Variants in MEIG1 observed in about 807,000 individuals in gnomAD.
MEIG1 encodes meiosis/spermiogenesis associated 1.
A neutral mutation model predicts 11.3 loss-of-function variants in MEIG1; 12 were observed. The ratio of observed to expected loss-of-function variants is 1.07; its 90% CI spans 0.68 to 1.73. The LOEUF (loss-of-function observed/expected upper bound fraction) is 1.73, where lower values mean the gene tolerates loss of function less well. MEIG1 is among the 40% of genes most tolerant of loss of function. MEIG1 has a pLI of 0.00. For missense variants in MEIG1, 119 were observed against 104.9 expected, an observed-to-expected ratio of 1.13 and a Z score of -0.59; for synonymous variants, 41 against 33.2, an observed-to-expected ratio of 1.24 and a Z score of -0.81.
At chr10:14,977,991 C>A (rs897422790) in intron 1 of MEIG1, among the ~76,000 whole-genome samples, 39 of 151,922 alleles carry the variant, frequency 2.6e-4, no homozygotes, top group African/African-American at 9.0e-4. Flanking sequence ...CTTAATGTCA[C>A]AGGGATTGTA....
At chr10:14,960,480 G>A (rs1382914747) in intron 1 of MEIG1, among the ~76,000 whole-genome samples, 13 of 151,940 alleles carry the variant, frequency 8.6e-5, no homozygotes, top group Non-Finnish European at 1.5e-5. Context: ...GTGCAGTGGC[G>A]GGATCTCGGC....
At chr10:14,984,184 G>T (rs1393345988) in intron 1 of MEIG1, among the ~76,000 whole-genome samples, 2 of 151,656 alleles carry the variant, frequency 1.3e-5, no homozygotes, top group African/African-American at 4.9e-5. Context: ...GGAGAGGGGG[G>T]TGCTATTACT....
At chr10:14,954,354 G>A in the MEIG1 span, 1 of 408,760 alleles carries the variant, frequency 2.4e-6, no homozygotes, top group South Asian at 2.3e-5. Context: ...AAGGGAAATC[G>A]AAACTCCCAG....
intron 1 of MEIG1, among the ~76,000 whole-genome samples, chr10:14,964,693 G>A (rs1426621344): frequency 1.4e-5 from 2 of 142,282 alleles, no homozygotes; most frequent in African/African-American, 5.2e-5. Flanking sequence ...CCAGGCTGGA[G>A]TGCAACCTCC....
At chr10:14,954,443 G>T (rs1842880996), upstream of MEIG1, 1 of 301,096 alleles carries the variant, frequency 3.3e-6, no homozygotes, top group East Asian at 8.1e-5. Flanking sequence ...CTTCCTGCTT[G>T]TCTGCTGCTA....
At chr10:14,959,281 C>G (rs1467228390), upstream of MEIG1, among the ~76,000 whole-genome samples, 1 of 152,256 alleles carries the variant, frequency 6.6e-6, no homozygotes, top group East Asian at 1.9e-4. Context: ...GGCCGGCGCC[C>G]ACCCCAGCCC....
At chr10:14,958,841 A>G (rs1415503273), upstream of MEIG1, among the ~76,000 whole-genome samples, 2 of 152,074 alleles carry the variant, frequency 1.3e-5, no homozygotes, top group Admixed American at 1.3e-4. Flanking sequence ...GCTTGCAGTG[A>G]GCCGAGATAG....
downstream of MEIG1, among the ~76,000 whole-genome samples, chr10:14,976,317 A>T (rs1015518099): frequency 1.3e-5 from 2 of 152,168 alleles, no homozygotes; most frequent in African/African-American, 4.8e-5. Context: ...ATTAATCCTG[A>T]TGTCACAGGA....
intron 1 of MEIG1, among the ~76,000 whole-genome samples, chr10:14,980,324 T>A (rs1843251051): frequency 1.3e-5 from 2 of 152,166 alleles, no homozygotes; most frequent in Admixed American, 1.3e-4. Flanking sequence ...CTTCGCATTC[T>A]AGAAAGATGT....
chr10:14,976,647 C>A (rs189527388), downstream of MEIG1, among the ~76,000 whole-genome samples: 318 of 152,144 alleles, frequency 2.1e-3, no homozygotes, highest in African/African-American at 7.2e-3. Flanking sequence ...AGAGGGTGTA[C>A]ACCTTGTGAA....
chr10:14,969,011 GA>G (rs766223234), intron 2 of MEIG1, among the ~76,000 whole-genome samples: 1 of 152,144 alleles, frequency 6.6e-6, no homozygotes, highest in African/African-American at 2.4e-5. Context: ...CCAGGAGGTG[GA>G]GGTTGTAGTG....
At chr10:14,975,510 T>C (rs1843200378), downstream of MEIG1, among the ~76,000 whole-genome samples, 2 of 152,078 alleles carry the variant, frequency 1.3e-5, no homozygotes, top group South Asian at 4.1e-4. Context: ...CCGTGTACTA[T>C]TGTTGCTATT....
chr10:14,957,120 T>C (rs1842960165), upstream of MEIG1, among the ~76,000 whole-genome samples: 1 of 152,226 alleles, frequency 6.6e-6, no homozygotes, highest in Non-Finnish European at 1.5e-5. Context: ...CTAATGCAAG[T>C]AATTACTGTC....
chr10:14,958,438 A>G (rs185204576), upstream of MEIG1, among the ~76,000 whole-genome samples: 27 of 152,292 alleles, frequency 1.8e-4, no homozygotes, highest in East Asian at 3.1e-3. Context: ...GGCCCTTGTC[A>G]TCTTCATTGA....
chr10:14,974,846 A>G (rs1843194184), downstream of MEIG1, among the ~76,000 whole-genome samples: 1 of 152,070 alleles, frequency 6.6e-6, no homozygotes, highest in Admixed American at 6.6e-5. Flanking sequence ...TGAACACTTT[A>G]TGAGCAATGA....
intron 2 of MEIG1, among the ~76,000 whole-genome samples, chr10:14,970,077 G>T (rs78822079): frequency 2.6e-5 from 4 of 152,152 alleles, no homozygotes; most frequent in African/African-American, 9.7e-5. Context: ...CTTCAGGGAC[G>T]GATAGGATGG....
downstream of MEIG1, among the ~76,000 whole-genome samples, chr10:14,973,886 T>C (rs540728598): frequency 1.4e-4 from 21 of 152,256 alleles, no homozygotes; most frequent in South Asian, 2.9e-3. Context: ...CAACTTAGGA[T>C]TGCAGCCTCA....
rs1843110057 is a variant in MEIG1, at chr10:14,968,228, C to T, written c.138+1622C>T. 2.0e-5 allele frequency among the ~76,000 whole-genome samples: 3 copies of T among 152,266 alleles called. No homozygotes were observed. In the South Asian group the frequency reaches 6.2e-4, roughly 32 times the overall value. ...GGAGGCTGGGAGTGGTGGCTCACGC[C>T]TGCAATCCCAGCCCTTTGGGAGGCC... On this transcript the variant is annotated intron_variant, in intron 2 of 2. Coordinates refer to ENST00000407572, the MANE Select transcript of MEIG1 (RefSeq NM_001080836.3).
chr10:14,983,224 T>C (rs12241793), intron 1 of MEIG1, among the ~76,000 whole-genome samples: 18,658 of 152,000 alleles, frequency 0.12, 1,279 homozygotes, highest in Middle Eastern at 0.23. Context: ...ACTCCCAAGA[T>C]AGCACTGGGT....
Sources: allele counts gnomAD v4.1 joint callset (sites outside exome capture counted in the v4.1 genomes callset), GRCh38; gene constraint gnomAD v4.1.1; transcripts MANE v1.5; gene names NCBI Gene and HGNC (gene_info 2026-07-23, HGNC 2026-07-21).